Variants in PDS5B observed in about 807,000 individuals in gnomAD.
PDS5B encodes PDS5 cohesin associated factor B.
PDS5B carries 51 observed loss-of-function variants against 184.1 expected under a neutral mutation model. The ratio of observed to expected loss-of-function variants is 0.28; its 90% CI spans 0.22 to 0.35. The LOEUF (loss-of-function observed/expected upper bound fraction) is 0.35. Ranked by LOEUF, PDS5B falls within the 10% of genes least tolerant of loss-of-function variation. PDS5B has a pLI of 1.00. For synonymous variants in PDS5B, 566 were observed against 569.2 expected, an observed-to-expected ratio of 0.99 and a Z score of 0.08; for missense variants, 1,180 against 1,723.3, an observed-to-expected ratio of 0.68 and a Z score of 5.58.
intron 3 of PDS5B, among the ~76,000 whole-genome samples, chr13:32,655,376 T>TA (rs1566290689): frequency 0.013 from 850 of 63,274 alleles, 19 homozygotes; most frequent in Non-Finnish European, 0.017. Flanking sequence ...ATATATATAT[T>TA]TTTTTTTTTT....
chr13:32,609,836 AT>A (rs2058114055), intron 1 of PDS5B, among the ~76,000 whole-genome samples: 1 of 152,000 alleles, frequency 6.6e-6, no homozygotes, highest in African/African-American at 2.4e-5. Context: ...TGGTGGAAAC[AT>A]TCCTTCCTTG....
At chr13:32,772,824 A>T (rs766013724) in intron 33 of PDS5B, among the ~76,000 whole-genome samples, 1 of 152,202 alleles carries the variant, frequency 6.6e-6, no homozygotes, top group Non-Finnish European at 1.5e-5. Context: ...TGAGATCTCC[A>T]TAAGAATCTA....
At chr13:32,603,291 C>G (rs1056717857) in intron 1 of PDS5B, among the ~76,000 whole-genome samples, 2 of 152,188 alleles carry the variant, frequency 1.3e-5, no homozygotes, top group Admixed American at 1.3e-4. Flanking sequence ...AGGAAGGGAT[C>G]CAGTTTCAGC....
chr13:32,723,919 C>T (rs1289783517), intron 19 of PDS5B, among the ~76,000 whole-genome samples: 3 of 152,146 alleles, frequency 2.0e-5, no homozygotes, highest in Non-Finnish European at 2.9e-5. Context: ...GAATACAAAT[C>T]CCCAGGTATT....
intron 26 of PDS5B, among the ~76,000 whole-genome samples, chr13:32,756,304 T>C (rs1954177290): frequency 6.6e-6 from 1 of 151,854 alleles, no homozygotes; most frequent in African/African-American, 2.4e-5. Context: ...TTAATCATCT[T>C]GCTTTTACTC....
At chr13:32,612,386 A>C (rs1392951026) in intron 1 of PDS5B, among the ~76,000 whole-genome samples, 1 of 152,122 alleles carries the variant, frequency 6.6e-6, no homozygotes, top group Non-Finnish European at 1.5e-5. Flanking sequence ...TTTTTTAAGA[A>C]CAATTTTATT....
intron 1 of PDS5B, among the ~76,000 whole-genome samples, chr13:32,622,108 CT>C (rs1320067371): frequency 6.6e-6 from 1 of 151,834 alleles, no homozygotes; most frequent in African/African-American, 2.4e-5. Flanking sequence ...AATTTCCACT[CT>C]TTTTTATCTT....
intron 19 of PDS5B, among the ~76,000 whole-genome samples, chr13:32,731,784 TGGAA>T: frequency 6.6e-6 from 1 of 152,092 alleles, no homozygotes. Context: ...GAAGTTTAGC[TGGAA>T]TGATAGCAGT....
At chr13:32,678,749 T>C in intron 9 of PDS5B, 86 bp from the exon 10 acceptor site, 1 of 771,022 alleles carries the variant, frequency 1.3e-6, no homozygotes, top group Non-Finnish European at 2.2e-6. Context: ...TTTTCTTTAA[T>C]TAGATAAATG....
intron 24 of PDS5B, among the ~76,000 whole-genome samples, chr13:32,752,444 A>G (rs1487603408): frequency 2.0e-5 from 3 of 152,144 alleles, no homozygotes; most frequent in African/African-American, 4.8e-5. Context: ...CTGATCATCT[A>G]TGTGCCAGGT....
chr13:32,678,973 G>A (rs764241081), intron 10 of PDS5B, 44 bp downstream of exon 10: 1 of 1,078,250 alleles, frequency 9.3e-7, no homozygotes, highest in South Asian at 1.3e-5. Context: ...GTGCTCTTCA[G>A]TGGAAAAAAA....
At chr13:32,691,573 A>G (rs551515572) in intron 13 of PDS5B, among the ~76,000 whole-genome samples, 10 of 152,250 alleles carry the variant, frequency 6.6e-5, no homozygotes, top group Non-Finnish European at 1.0e-4. Context: ...ACTTATTGAA[A>G]TCACCCTGGG....
At chr13:32,594,452 G>A (rs2057826500) in intron 1 of PDS5B, among the ~76,000 whole-genome samples, 1 of 152,086 alleles carries the variant, frequency 6.6e-6, no homozygotes, top group South Asian at 2.1e-4. Context: ...GAAAGAGGCT[G>A]GTATAAAAAT....
chr13:32,737,241 G>A (rs1378788756), intron 21 of PDS5B, among the ~76,000 whole-genome samples: 1 of 152,090 alleles, frequency 6.6e-6, no homozygotes, highest in African/African-American at 2.4e-5. Flanking sequence ...TTAAGCTATC[G>A]TCAGATCACT....
intron 1 of PDS5B, among the ~76,000 whole-genome samples, chr13:32,622,069 T>G (rs1453243687): frequency 8.5e-5 from 13 of 152,200 alleles, no homozygotes; most frequent in Non-Finnish European, 2.9e-5. Flanking sequence ...TTTTGGGCTA[T>G]TTAGATGCAT....
chr13:32,600,687 C>T (rs145709857), intron 1 of PDS5B, among the ~76,000 whole-genome samples: 7,542 of 152,188 alleles, frequency 0.05, 490 homozygotes, highest in African/African-American at 0.16. Context: ...TGCAGTGAGC[C>T]GAGATCGTGC....
intron 1 of PDS5B, among the ~76,000 whole-genome samples, chr13:32,645,733 A>T (rs886822651): frequency 6.6e-6 from 1 of 152,234 alleles, no homozygotes; most frequent in Non-Finnish European, 1.5e-5. Context: ...GAAGTATAAC[A>T]TACATTCAGG....
chr13:32,687,259 A>G lies in PDS5B; in HGVS notation c.1329A>G (p.Ile443Met), dbSNP rs757143130. 3.8e-6 allele frequency: 6 copies of G among 1,593,060 alleles called. No homozygotes were observed. Among genetic ancestry groups the G allele is most frequent in the Non-Finnish European group, 5.1e-6 (6 of 1,171,936 alleles). Reference protein sequence around the residue: ...IAWIKDKLLHIYYQNSIDDRL... With the variant: ...IAWIKDKLLHMYYQNSIDDRL... The stretch of plus-strand genomic sequence containing the variant: ...GGATCAAAGACAAATTGCTACATAT[A>G]TATTATCAAAATAGTATTGATGATC... The change falls in exon 12 of 35, where the codon ATA (isoleucine) becomes ATG (methionine). Residue 443 changes from isoleucine to methionine, a missense_variant. Transcript: ENST00000315596.
In PDS5B at chr13:32,667,778, A is replaced by G. The variant is rs942013149; in HGVS notation, c.639A>G (p.Gln213=). 6.3e-7 allele frequency: 1 copy of G among 1,592,744 alleles called. No individual in the cohort carries two copies. Among genetic ancestry groups the G allele is most frequent in the African/African-American group, 1.4e-5 (1 of 73,852 alleles). ...ATGTTTTTCAGAATTTAAACAAGCAAGCATATGATTTGGCAAAGGCTTTAC... is the reference window on the plus strand; with the variant it reads ...ATGTTTTTCAGAATTTAAACAAGCAGGCATATGATTTGGCAAAGGCTTTAC... ...LVPAHKNLNK[Q]AYDLAKALLK... The change falls in exon 7 of 35, where the codon CAA becomes CAG. Residue 213 remains glutamine (Q), a synonymous_variant. Transcript: ENST00000315596.
Sources: gnomAD v4.1 joint callset for allele counts (sites outside exome capture counted in the v4.1 genomes callset) on GRCh38, gnomAD v4.1.1 for gene constraint, MANE v1.5 for transcripts, NCBI Gene and HGNC (gene_info 2026-07-23, HGNC 2026-07-21) for gene names.